Variants in TMPRSS11F observed in about 807,000 individuals in gnomAD.
The protein encoded by TMPRSS11F is transmembrane protease serine 11F.
In TMPRSS11F, 47 loss-of-function variants were observed where a neutral mutation model predicts 60.2. That is an observed-to-expected ratio of 0.78 (90% CI 0.62 to 1.00). The LOEUF (loss-of-function observed/expected upper bound fraction) is 1.00, where lower values mean the gene tolerates loss of function less well. Among genes scored for constraint, TMPRSS11F ranks in the 50% least tolerant of loss-of-function variants. The pLI, the probability that TMPRSS11F is intolerant of heterozygous loss-of-function variation, is 0.00. For synonymous variants in TMPRSS11F, 166 were observed against 167.3 expected (o/e 0.99, Z 0.06); for missense variants, 519 against 522.9 (o/e 0.99, Z 0.07).
chr4:68,084,059 G>A (rs1183284474), intron 3 of TMPRSS11F, among the ~76,000 whole-genome samples: 1 of 152,154 alleles, frequency 6.6e-6, no homozygotes, highest in Non-Finnish European at 1.5e-5. Flanking sequence ...AGACCAAGCT[G>A]AGGAAAGAAT....
At chr4:68,059,215 C>G (rs552810191) in intron 9 of TMPRSS11F, 111 bp downstream of exon 9, 2 of 1,063,452 alleles carry the variant, frequency 1.9e-6, no homozygotes, top group Admixed American at 5.2e-5. Context: ...AAAGTCAGTT[C>G]TCGGTGTAAG....
chr4:68,122,924 T>C (rs1476872946), intron 1 of TMPRSS11F, among the ~76,000 whole-genome samples: 1 of 152,216 alleles, frequency 6.6e-6, no homozygotes, highest in Non-Finnish European at 1.5e-5. Context: ...CTTCAGTTTA[T>C]TCAAGTTGGG....
At chr4:68,100,920 G>C (rs1232878983) in intron 1 of TMPRSS11F, among the ~76,000 whole-genome samples, 1 of 152,024 alleles carries the variant, frequency 6.6e-6, no homozygotes, top group African/African-American at 2.4e-5. Context: ...AAAATCTATG[G>C]CAATAAGTAG....
chr4:68,072,401 T>C lies in TMPRSS11F; in HGVS notation c.436A>G (p.Ile146Val). 6.2e-7 allele frequency: 1 copy of C among 1,600,484 alleles called. No individual in the cohort carries two copies. Among genetic ancestry groups the C allele is most frequent in the Non-Finnish European group, 8.5e-7 (1 of 1,172,018 alleles). ...AAACTTTGATATAAAGCCTTTTCAA[T>C]TTTTTTCTTGATTTGTTCAGCACTA... ...TDSAEQIKKK[I>V]EKALYQSLKT... Residue 146 changes from isoleucine (I) to valine (V), a missense_variant, in exon 5 of 10, where the codon ATT becomes GTT. Transcript: ENST00000356291.
At chr4:68,083,097 C>T (rs1407753269) in intron 3 of TMPRSS11F, among the ~76,000 whole-genome samples, 1 of 152,200 alleles carries the variant, frequency 6.6e-6, no homozygotes, top group East Asian at 1.9e-4. Context: ...CCCATGACAA[C>T]ACCACCCTGC....
intron 3 of TMPRSS11F, among the ~76,000 whole-genome samples, chr4:68,081,961 G>A (rs1291376090): frequency 6.6e-6 from 1 of 152,122 alleles, no homozygotes; most frequent in Non-Finnish European, 1.5e-5. Flanking sequence ...TTGGGGGAGT[G>A]GCAAGACGGC....
rs1723108144 is a variant in TMPRSS11F at position 68,059,332 on chromosome 4, T to C, written c.1152A>G (p.Ala384=). 1 of 1,613,536 alleles carries C rather than the reference T, an allele frequency of 6.2e-7. No homozygotes were observed. The change falls in exon 9 of 10, where the codon GCA becomes GCG. Residue 384 remains alanine, a synonymous_variant. Transcript: ENST00000356291. ...GCCTTGACTTTAAACTTACCTTACATGCATCTATTTTTCCTTCCATGAATC... is the reference window on the plus strand; with the variant it reads ...GCCTTGACTTTAAACTTACCTTACACGCATCTATTTTTCCTTCCATGAATC... ...CAGFMEGKID[A]CKGDSGGPLV... is the part of the protein sequence containing the mutation.
intron 7 of TMPRSS11F, among the ~76,000 whole-genome samples, chr4:68,068,266 G>A (rs1452736175): frequency 1.3e-5 from 2 of 151,928 alleles, no homozygotes; most frequent in African/African-American, 4.8e-5. Context: ...GGATTAATTG[G>A]AAAAAAACAA....
Position 68,069,967 on chromosome 4 carries a change from A to G in TMPRSS11F, c.553+2T>C, listed in dbSNP as rs745385231. On this transcript the variant is annotated splice_donor_variant, in intron 6 of 9. Coordinates refer to ENST00000356291, the MANE Select transcript of TMPRSS11F (RefSeq NM_207407.2). LOFTEE classifies it high-confidence loss of function. ...CAGTTAATTGTGGGTTTTGGAACTT[A>G]CGACTGTTGAGAAGATTCCTCATCT... 6.2e-7 allele frequency: 1 copy of G among 1,602,068 alleles called. No individual in the cohort carries two copies.
At chr4:68,085,694 C>A (rs1175386533) in intron 3 of TMPRSS11F, among the ~76,000 whole-genome samples, 1 of 152,144 alleles carries the variant, frequency 6.6e-6, no homozygotes, top group African/African-American at 2.4e-5. Context: ...CATGTAATGA[C>A]ACCCATAGGC....
chr4:68,095,633 C>T (rs942429239), intron 2 of TMPRSS11F, among the ~76,000 whole-genome samples: 1 of 152,084 alleles, frequency 6.6e-6, no homozygotes, highest in Non-Finnish European at 1.5e-5. Flanking sequence ...AGCGGTGGCT[C>T]ATGCCTGTAA....
chr4:68,060,492 G>C (rs900913871), intron 8 of TMPRSS11F, among the ~76,000 whole-genome samples: 4 of 115,584 alleles, frequency 3.5e-5, no homozygotes, highest in Non-Finnish European at 6.6e-5. Context: ...CTCCAGCCTG[G>C]GTGACAGAGT....
intron 8 of TMPRSS11F, chr4:68,062,225 T>G: frequency 2.5e-6 from 1 of 406,410 alleles, no homozygotes. Flanking sequence ...TAATTTTGAT[T>G]TTTCATAAAA....
intron 2 of TMPRSS11F, among the ~76,000 whole-genome samples, chr4:68,093,019 G>A (rs1299974953): frequency 2.0e-5 from 3 of 152,082 alleles, no homozygotes; most frequent in African/African-American, 7.2e-5. Flanking sequence ...CTTATATGCA[G>A]AGAACATGAT....
At chr4:68,066,786 T>C (rs1356000921) in intron 7 of TMPRSS11F, among the ~76,000 whole-genome samples, 2 of 151,602 alleles carry the variant, frequency 1.3e-5, no homozygotes, top group African/African-American at 2.4e-5. Context: ...ATAAAAAAAT[T>C]AGCTGGGCGC....
Position 68,102,043 on chromosome 4 carries a change from A to T in TMPRSS11F, c.12-3005T>A, listed in dbSNP as rs189476190. 1.4e-3 allele frequency among the ~76,000 whole-genome samples: 210 copies of T among 152,134 alleles called. 3 individuals are homozygous for T. The East Asian group carries it at 0.027, about 20-fold the overall frequency. On this transcript the variant is annotated intron_variant, in intron 1 of 9. Coordinates refer to ENST00000356291, the MANE Select transcript of TMPRSS11F (RefSeq NM_207407.2). ...TGCATCTCTGTATTTTTTATTTTTTAAAAAATATTACACATCTAAGAGATA... is the reference window on the plus strand; with the variant it reads ...TGCATCTCTGTATTTTTTATTTTTTTAAAAATATTACACATCTAAGAGATA...
chr4:68,072,226 A>ATATATATATGTATATAT, intron 5 of TMPRSS11F, 97 bp downstream of exon 5: 1 of 79,252 alleles, frequency 1.3e-5, no homozygotes, highest in African/African-American at 4.6e-5. Flanking sequence ...TCTTCCAAAA[A>ATATATATATGTATATAT]AAAAATATAT....
At chr4:68,118,023 T>C (rs1724560645) in intron 1 of TMPRSS11F, among the ~76,000 whole-genome samples, 1 of 152,196 alleles carries the variant, frequency 6.6e-6, no homozygotes, top group African/African-American at 2.4e-5. Context: ...CTGAGACTGC[T>C]ACAACTCTAT....
Position 68,115,356 on chromosome 4 carries a change from C to CAAAAAA in TMPRSS11F, c.11+14448_11+14453dup, listed in dbSNP as rs57550471. Among the ~76,000 whole-genome samples, 22 of 74,672 alleles carry CAAAAAA rather than the reference C, an allele frequency of 2.9e-4. 1 individual carries two copies. The highest frequency in any genetic ancestry group is 7.4e-4 in the East Asian group (2 of 2,690). The allele number at this position is 74,672 out of a possible 152,430, so 49.0% of individuals were successfully genotyped here. ...TGGGCAACAGAGCAAGACACCATCT[C>CAAAAAA]AAAAAAAAAAAAAAAAAAAAAAAAA... is the stretch of plus-strand genomic sequence containing the variant. On this transcript the variant is annotated intron_variant, in intron 1 of 9. Coordinates refer to ENST00000356291, the MANE Select transcript of TMPRSS11F (RefSeq NM_207407.2).
Sources: allele counts gnomAD v4.1 joint callset (sites outside exome capture counted in the v4.1 genomes callset), GRCh38; gene constraint gnomAD v4.1.1; transcripts MANE v1.5; gene names NCBI Gene and HGNC (gene_info 2026-07-23, HGNC 2026-07-21).